PTPRD: variants seen among roughly 807,000 people sequenced by gnomAD.
PTPRD encodes the protein protein tyrosine phosphatase receptor type D.
A neutral mutation model predicts 214.5 loss-of-function variants in PTPRD; 34 were observed. The observed-to-expected ratio is 0.16, with a 90% CI of 0.12 to 0.21. The LOEUF (loss-of-function observed/expected upper bound fraction) is 0.21, where lower values mean the gene tolerates loss of function less well. Among genes scored for constraint, PTPRD ranks in the 10% least tolerant of loss-of-function variants. The pLI is 1.00. For synonymous variants in PTPRD, 1,128 were observed against 845.7 expected (o/e 1.33, Z -5.79); for missense variants, 2,545 against 2,398.7 (o/e 1.06, Z -1.27).
intron 5 of PTPRD, among the ~76,000 whole-genome samples, chr9:9,903,407 A>C (rs116373393): frequency 1.4e-3 from 217 of 152,260 alleles, no homozygotes; most frequent in African/African-American, 5.1e-3. Flanking sequence ...TAAAACTGAG[A>C]TAATCATAGA....
At chr9:9,041,216 T>TTAAC (rs1401207162) in intron 10 of PTPRD, among the ~76,000 whole-genome samples, 1 of 152,166 alleles carries the variant, frequency 6.6e-6, no homozygotes, top group African/African-American at 2.4e-5. Context: ...CCCTTTTTCT[T>TTAAC]TAACTTTTAT....
chr9:9,993,673 G>A (rs1002348321), intron 4 of PTPRD, among the ~76,000 whole-genome samples: 4 of 152,240 alleles, frequency 2.6e-5, no homozygotes, highest in East Asian at 1.9e-4. Context: ...GGTATCAGGG[G>A]CTAATATAAC....
chr9:8,411,597 C>G (rs2093533033), intron 35 of PTPRD, among the ~76,000 whole-genome samples: 1 of 152,192 alleles, frequency 6.6e-6, no homozygotes, highest in South Asian at 2.1e-4. Context: ...AGTCACTACA[C>G]CCAACACTAT....
At chr9:8,339,416 C>A (rs567738704) in intron 42 of PTPRD, among the ~76,000 whole-genome samples, 28 of 152,040 alleles carry the variant, frequency 1.8e-4, no homozygotes, top group Non-Finnish European at 3.7e-4. Flanking sequence ...ACACATTGCA[C>A]CACCACAGCA....
intron 3 of PTPRD, among the ~76,000 whole-genome samples, chr9:10,113,608 C>A (rs940501654): frequency 2.6e-5 from 4 of 152,186 alleles, no homozygotes; most frequent in Non-Finnish European, 5.9e-5. Context: ...CCTAGAGAAA[C>A]AATCTCCAGC....
chr9:9,810,846 G>C (rs535770272), intron 5 of PTPRD, among the ~76,000 whole-genome samples: 6 of 151,616 alleles, frequency 4.0e-5, no homozygotes, highest in East Asian at 1.9e-4. Flanking sequence ...GATGGATCTG[G>C]GCAAAGTAAA....
chr9:8,371,375 G>C (rs1441805103), intron 39 of PTPRD, among the ~76,000 whole-genome samples: 1 of 152,024 alleles, frequency 6.6e-6, no homozygotes, highest in Non-Finnish European at 1.5e-5. Flanking sequence ...TAAGGTGTAA[G>C]AGCTGGGGGT....
chr9:9,039,470 C>G (rs560814171), intron 10 of PTPRD, among the ~76,000 whole-genome samples: 1 of 152,244 alleles, frequency 6.6e-6, no homozygotes, highest in South Asian at 2.1e-4. Context: ...AAACTAAGGC[C>G]AGTGGGACCA....
At chr9:9,057,161 C>A (rs1007329168) in intron 10 of PTPRD, among the ~76,000 whole-genome samples, 1 of 152,090 alleles carries the variant, frequency 6.6e-6, no homozygotes, top group African/African-American at 2.4e-5. Context: ...CAGAAGATCA[C>A]CTTCTCTAAT....
At chr9:9,889,195 G>A (rs1320534474) in intron 5 of PTPRD, among the ~76,000 whole-genome samples, 1 of 152,138 alleles carries the variant, frequency 6.6e-6, no homozygotes, top group African/African-American at 2.4e-5. Flanking sequence ...ATTATTTATT[G>A]TACAATGTAC....
At chr9:9,050,281 T>C (rs1027487652) in intron 10 of PTPRD, among the ~76,000 whole-genome samples, 2 of 152,152 alleles carry the variant, frequency 1.3e-5, no homozygotes, top group Non-Finnish European at 2.9e-5. Flanking sequence ...GTCATGACAC[T>C]GAAAAGTATG....
chr9:10,458,711 T>C (rs1373383516), intron 2 of PTPRD, among the ~76,000 whole-genome samples: 3 of 152,052 alleles, frequency 2.0e-5, no homozygotes, highest in Non-Finnish European at 4.4e-5. Context: ...GAAAAAGAAA[T>C]AAATGCTATC....
chr9:9,993,614 G>A (rs1287704349), intron 4 of PTPRD, among the ~76,000 whole-genome samples: 1 of 151,836 alleles, frequency 6.6e-6, no homozygotes, highest in Admixed American at 6.6e-5. Context: ...CTGTGACGCT[G>A]GAAGTAAGAC....
intron 11 of PTPRD, among the ~76,000 whole-genome samples, chr9:8,780,118 G>C (rs1356909865): frequency 6.8e-6 from 1 of 146,274 alleles, no homozygotes; most frequent in East Asian, 2.3e-4. Flanking sequence ...ACTAAGAATA[G>C]CATTTTCCAA....
chr9:8,809,022 C>T (rs557686613), intron 11 of PTPRD, among the ~76,000 whole-genome samples: 1 of 152,082 alleles, frequency 6.6e-6, no homozygotes, highest in Non-Finnish European at 1.5e-5. Context: ...GAAGGAAAGT[C>T]AGAGACCACT....
intron 9 of PTPRD, among the ~76,000 whole-genome samples, chr9:9,352,005 A>G (rs2051383335): frequency 6.6e-6 from 1 of 151,978 alleles, no homozygotes; most frequent in Non-Finnish European, 1.5e-5. Flanking sequence ...ATAAAAGAAT[A>G]CTATATTGTT....
chr9:9,689,079 ATAATT>A (rs1243238561), intron 7 of PTPRD, among the ~76,000 whole-genome samples: 1 of 151,976 alleles, frequency 6.6e-6, no homozygotes, highest in Non-Finnish European at 1.5e-5. Context: ...AAATTCTTAT[ATAATT>A]TAAAGAATGT....
At chr9:8,699,322 G>A (rs563031325) in intron 12 of PTPRD, among the ~76,000 whole-genome samples, 28 of 152,224 alleles carry the variant, frequency 1.8e-4, no homozygotes, top group African/African-American at 6.5e-4. Flanking sequence ...GAAAGATGAG[G>A]CAGACAAAGA....
chr9:8,581,641 G>T (rs1042573731), intron 14 of PTPRD, among the ~76,000 whole-genome samples: 3 of 152,106 alleles, frequency 2.0e-5, no homozygotes, highest in African/African-American at 7.2e-5. Context: ...CCAGCTACTT[G>T]GGAGGCTGAG....
Sources: gnomAD v4.1 joint callset for allele counts (sites outside exome capture counted in the v4.1 genomes callset) on GRCh38, gnomAD v4.1.1 for gene constraint, MANE v1.5 for transcripts, NCBI Gene and HGNC (gene_info 2026-07-23, HGNC 2026-07-21) for gene names.